RNASEH2C: variants seen among roughly 807,000 people sequenced by gnomAD.
The protein encoded by RNASEH2C is ribonuclease H2 subunit C.
In RNASEH2C, 20 loss-of-function variants were observed where a neutral mutation model predicts 16.3. The observed-to-expected ratio is 1.23, with a 90% CI of 0.86 to 1.79. The LOEUF (loss-of-function observed/expected upper bound fraction) is 1.79, where lower values mean the gene tolerates loss of function less well. Among genes scored for constraint, RNASEH2C ranks in the 40% most tolerant of loss-of-function variants. The pLI, the probability that RNASEH2C is intolerant of heterozygous loss-of-function variation, is 0.00. For synonymous variants in RNASEH2C, 106 were observed against 98.9 expected, an observed-to-expected ratio of 1.07 and a Z score of -0.43; for missense variants, 296 against 235.9, an observed-to-expected ratio of 1.25 and a Z score of -1.67.
At position 65,719,743 on chromosome 11, in the gene RNASEH2C, C is replaced by T. The variant is rs1565212857; in HGVS notation, c.*40G>A. On this transcript the variant is annotated 3_prime_UTR_variant, in exon 4 of 4. Transcript: ENST00000308418. ...TCGGTTCCAAAGAGCTGGTTTACTG[C>T]TGTGAAGGGATCGCAGCTTTGAATT... 1.2e-6 allele frequency: 2 copies of T among 1,610,926 alleles called. No individual in the cohort carries two copies. The highest frequency in any genetic ancestry group is 8.5e-7 in the Non-Finnish European group (1 of 1,177,410).
At position 65,720,059 on chromosome 11, in the gene RNASEH2C, T is replaced by C; in HGVS notation, c.454A>G (p.Ser152Gly). 6.2e-7 allele frequency: 1 copy of C among 1,613,898 alleles called. No individual in the cohort carries two copies. The highest frequency in any genetic ancestry group is 8.5e-7 in the Non-Finnish European group (1 of 1,180,046). The change falls in exon 3 of 4, where the codon AGC becomes GGC. Residue 152 changes from serine (S) to glycine (G), a missense_variant. Ser to Gly is a moderately conservative substitution (Grantham distance 56). Coordinates refer to ENST00000308418, the MANE Select transcript of RNASEH2C (RefSeq NM_032193.4). Reference sequence around the variant, plus strand: ...CGTCTACTCACCGCTGCCGCAAGGCTGGGCCAAGTTAAGGCCCCACGCACT... The same window carrying C: ...CGTCTACTCACCGCTGCCGCAAGGCCGGGCCAAGTTAAGGCCCCACGCACT... The part of the protein sequence containing the change: ...AKVRGALTWP[S>G]LAAAIHAQVP...
At chr11:65,720,552 G>A in intron 1 of RNASEH2C, 35 bp downstream of exon 1, 1 of 1,516,868 alleles carries the variant, frequency 6.6e-7, no homozygotes, top group Non-Finnish European at 8.8e-7. Context: ...CGGCGCGGGG[G>A]CTGCCGGGAG....
At position 65,719,529 on chromosome 11, in the gene RNASEH2C, G is replaced by A. The variant is rs1857326199; in HGVS notation, c.*254C>T. The A allele has an allele frequency of 1.6e-6, 1 of 615,022 alleles. No homozygotes were observed. The highest frequency in any genetic ancestry group is 1.8e-5 in the African/African-American group (1 of 54,208). The allele number at this position is 615,022 out of a possible 1,614,324, so 38.1% of individuals were successfully genotyped here. On this transcript the variant is annotated 3_prime_UTR_variant, in exon 4 of 4. Transcript: ENST00000308418. ...TTTGTAAAGTAGAAGTTGGGGGTGG[G>A]GTGGGTGCTGGCTGCAAAAATTTCT...
chr11:65,719,955 T>G (rs549476145), intron 3 of RNASEH2C, 90 bp downstream of exon 3: 14 of 1,607,578 alleles, frequency 8.7e-6, no homozygotes, highest in Non-Finnish European at 1.1e-5. Flanking sequence ...TCCCACACAC[T>G]ACCCAGTAGA....
In RNASEH2C at chr11:65,719,385, G is replaced by C; in HGVS notation, c.*398C>G. The C allele has an allele frequency of 1.5e-6, 1 of 651,148 alleles. No homozygotes were observed. Among genetic ancestry groups the C allele is most frequent in the Non-Finnish European group, 2.6e-6 (1 of 383,596 alleles). The allele number at this position is 651,148 out of a possible 1,614,324, so 40.3% of individuals were successfully genotyped here. A position where few individuals can be genotyped will look rare whatever the true frequency, so the allele number is the denominator to read the frequency against. ...CTCAGACCAACTCCAAGGTCAGCTG[G>C]CCACAGGCCCAGGCCTCCTCTGAAG... On this transcript the variant is annotated 3_prime_UTR_variant, in exon 4 of 4. Coordinates refer to ENST00000308418, the MANE Select transcript of RNASEH2C (RefSeq NM_032193.4).
intron 1 of RNASEH2C, 50 bp from the exon 2 acceptor site, chr11:65,720,467 G>C (rs1301831637): frequency 6.2e-7 from 1 of 1,601,886 alleles, no homozygotes; most frequent in Non-Finnish European, 8.5e-7. Flanking sequence ...GCTGGGTCGA[G>C]CCCGGAGCTG....
At position 65,720,259 on chromosome 11, in the gene RNASEH2C, GCTC is replaced by G. The variant is rs757678258; in HGVS notation, c.328_330del (p.Glu110del). The G allele has an allele frequency of 9.3e-6, 15 of 1,614,160 alleles. No individual in the cohort carries two copies. The highest frequency in any genetic ancestry group is 6.7e-5 in the East Asian group (3 of 44,896). ...TTGCTCACGAAGTCCCGCTCCAGCG[GCTC>G]CTCCTCTTGGTCGTCAGTCCCGGAA... On this transcript the variant is annotated inframe_deletion, in exon 2 of 4. Coordinates refer to ENST00000308418, the MANE Select transcript of RNASEH2C (RefSeq NM_032193.4).
chr11:65,719,869 A>G, intron 3 of RNASEH2C, 60 bp from the exon 4 acceptor site: 3 of 1,609,846 alleles, frequency 1.9e-6, no homozygotes, highest in Non-Finnish European at 2.6e-6. Flanking sequence ...GCTGGCCCCC[A>G]TACCCGAGGA....
chr11:65,720,188 A>C, intron 2 of RNASEH2C, 24 bp from the exon 3 acceptor site: 1 of 1,614,230 alleles, frequency 6.2e-7, no homozygotes, highest in Non-Finnish European at 8.5e-7. Flanking sequence ...CTGGCTCAGC[A>C]TCGGGACTAC....
In RNASEH2C at chr11:65,718,276, C is replaced by G; in HGVS notation, c.*1507G>C. On this transcript the variant is annotated 3_prime_UTR_variant, in exon 4 of 4. Coordinates refer to ENST00000308418, the MANE Select transcript of RNASEH2C (RefSeq NM_032193.4). ...CGGGATGGCAAAGGAAAATTGGAGGCCCCTTCTTCCCATGAGCCATTTTCT... is the reference window on the plus strand; with the variant it reads ...CGGGATGGCAAAGGAAAATTGGAGGGCCCTTCTTCCCATGAGCCATTTTCT... 3.8e-6 allele frequency: 1 copy of G among 264,280 alleles called. No individual in the cohort carries two copies. Among genetic ancestry groups the G allele is most frequent in the Non-Finnish European group, 7.3e-6 (1 of 137,718 alleles). The allele number at this position is 264,280 out of a possible 1,614,324, so 16.4% of individuals were successfully genotyped here.
In RNASEH2C at chr11:65,720,630, C is replaced by T. The variant is rs774676282; in HGVS notation, c.129G>A (p.Pro43=). Residue 43 remains proline, a synonymous_variant, in exon 1 of 4, where the codon CCG becomes CCA. Coordinates refer to ENST00000308418, the MANE Select transcript of RNASEH2C (RefSeq NM_032193.4). ...TGGCGGGCGTGAAGAAGCGCCCCAC[C>T]GGGGCGGGCCCGTCCACCGCAACCT... ...PCEVAVDGPA[P]VGRFFTPAIR... The T allele has an allele frequency of 1.4e-5, 22 of 1,555,578 alleles. No homozygotes were observed. The South Asian group carries it at 1.9e-4, about 13-fold the overall frequency.
rs1434438382 is a variant in RNASEH2C at position 65,719,082 on chromosome 11, G to A, written c.*701C>T. ...TCCTCACACTGTCAGAGGACATCGT[G>A]GATGGCCATGAGCGGGCCATGCTCA... On this transcript the variant is annotated 3_prime_UTR_variant, in exon 4 of 4. Transcript: ENST00000308418. The A allele has an allele frequency of 6.2e-7, 1 of 1,614,170 alleles. No individual in the cohort carries two copies. The highest frequency in any genetic ancestry group is 2.2e-5 in the East Asian group (1 of 44,884).
At chr11:65,720,012 C>G (rs368020160) in intron 3 of RNASEH2C, 33 bp downstream of exon 3, 3 of 1,611,530 alleles carry the variant, frequency 1.9e-6, no homozygotes, top group Non-Finnish European at 2.5e-6. Flanking sequence ...GCCCATCCAC[C>G]CGGGGGCAAG....
Position 65,719,044 on chromosome 11 carries a change from C to T in RNASEH2C, c.*739G>A. ...ACCTGCTGAACCCATCTCCTCTGCC[C>T]AGGGCCAGTACATCCTCACACTGTC... On this transcript the variant is annotated 3_prime_UTR_variant, in exon 4 of 4. Transcript: ENST00000308418. 6.2e-7 allele frequency: 1 copy of T among 1,614,064 alleles called. No individual in the cohort carries two copies. Among genetic ancestry groups the T allele is most frequent in the Non-Finnish European group, 8.5e-7 (1 of 1,179,972 alleles).
chr11:65,720,438 G>A (rs1202759061), intron 1 of RNASEH2C, 21 bp from the exon 2 acceptor site: 1 of 1,612,172 alleles, frequency 6.2e-7, no homozygotes, highest in African/African-American at 1.3e-5. Context: ...AGGCGCAAAG[G>A]GCCTCAGGCA....
chr11:65,720,076 C>G lies in RNASEH2C; in HGVS notation c.437G>C (p.Gly146Ala), dbSNP rs763128012. The G allele has an allele frequency of 6.2e-7, 1 of 1,614,092 alleles. No homozygotes were observed. The highest frequency in any genetic ancestry group is 1.3e-5 in the African/African-American group (1 of 75,066). ...CGCAAGGCTGGGCCAAGTTAAGGCCCCACGCACTTTGGCATCCGGGCCAGG... is the reference window on the plus strand; with the variant it reads ...CGCAAGGCTGGGCCAAGTTAAGGCCGCACGCACTTTGGCATCCGGGCCAGG... The part of the protein sequence containing the change: ...TIPGPDAKVR[G>A]ALTWPSLAAA... The change falls in exon 3 of 4, where the codon GGG becomes GCG. Residue 146 changes from glycine (G) to alanine (A), a missense_variant. Gly to Ala is a moderately conservative substitution (Grantham distance 60, BLOSUM62 0). Coordinates refer to ENST00000308418, the MANE Select transcript of RNASEH2C (RefSeq NM_032193.4).
Position 65,720,686 on chromosome 11 carries a change from C to T in RNASEH2C, c.73G>A (p.Val25Ile). Residue 25 changes from valine to isoleucine, a missense_variant, in exon 1 of 4, where the codon GTA (valine) becomes ATA (isoleucine). Coordinates refer to ENST00000308418, the MANE Select transcript of RNASEH2C (RefSeq NM_032193.4). ...GGCAGCAGATGCAGTGTGGCGGGTA[C>T]GGCGTCGCGCAATGTGGCGGAGCGC... ...HLRSATLRDA[V>I]PATLHLLPCE... 1 of 1,585,046 alleles carries T rather than the reference C, an allele frequency of 6.3e-7. No individual in the cohort carries two copies.
rs538167829 is a variant in RNASEH2C at position 65,719,488 on chromosome 11, G to A, written c.*295C>T. ...GGGGAGCTCTGTACAGAGGGCTGGT[G>A]ATTGTAAAAATTTCTTTTGTAAAGT... On this transcript the variant is annotated 3_prime_UTR_variant, in exon 4 of 4. Transcript: ENST00000308418. The A allele has an allele frequency of 2.2e-4, 134 of 609,894 alleles. No homozygotes were observed. The African/African-American group carries it at 2.2e-3, about 10-fold the overall frequency. 37.8% of individuals were successfully genotyped at this position (609,894 alleles called of 1,614,324 possible).
Position 65,720,415 on chromosome 11 carries a change from G to T in RNASEH2C, c.175C>A (p.Leu59Ile), listed in dbSNP as rs764887792. The T allele has an allele frequency of 6.1e-5, 99 of 1,613,664 alleles. No homozygotes were observed. Among genetic ancestry groups the T allele is most frequent in the Non-Finnish European group, 7.9e-5 (93 of 1,180,046 alleles). The part of the protein sequence containing the change: ...TPAIRQGPEG[L>I]EVSFRGRCLR... ...CAGCGGCCCCGAAACGACACTTCGA[G>T]TCCTGGAGCGGGAGGCGCAAAGGGC... The change falls in exon 2 of 4, where the codon CTC (leucine) becomes ATC (isoleucine). Residue 59 changes from leucine to isoleucine, a missense_variant and splice_region_variant. Leu to Ile is a conservative substitution (Grantham distance 5). Coordinates refer to ENST00000308418, the MANE Select transcript of RNASEH2C (RefSeq NM_032193.4).
Sources: gnomAD v4.1 joint callset for allele counts on GRCh38, gnomAD v4.1.1 for gene constraint, MANE v1.5 for transcripts, NCBI Gene and HGNC (gene_info 2026-07-23, HGNC 2026-07-21) for gene names.